Variants in ATXN7L1 observed in about 807,000 individuals in gnomAD.
ATXN7L1 encodes the protein ataxin-7-like protein 1.
In ATXN7L1, 15 loss-of-function variants were observed where a neutral mutation model predicts 70.8. That is an observed-to-expected ratio of 0.21 (90% confidence interval 0.14 to 0.33). ATXN7L1 has a LOEUF of 0.33. Ranked by LOEUF, ATXN7L1 falls within the 10% of genes least tolerant of loss-of-function variation. ATXN7L1 has a pLI of 1.00. For missense variants in ATXN7L1, 975 were observed against 1,097.1 expected, an observed-to-expected ratio of 0.89 and a Z score of 1.57; for synonymous variants, 440 against 445.1, an observed-to-expected ratio of 0.99 and a Z score of 0.14.
intron 3 of ATXN7L1, among the ~76,000 whole-genome samples, chr7:105,677,694 C>T (rs117879115): frequency 1.3e-5 from 2 of 152,336 alleles, no homozygotes; most frequent in East Asian, 3.9e-4. Flanking sequence ...AAAACACACA[C>T]ACAGGTAGTA....
chr7:105,737,528 C>CGTGTGTGTGTGTGTGTGTGT (rs71520935), intron 3 of ATXN7L1, among the ~76,000 whole-genome samples: 9 of 148,616 alleles, frequency 6.1e-5, no homozygotes, highest in African/African-American at 1.5e-4. Context: ...CTAACGTCCC[C>CGTGTGTGTGTGTGTGTGTGT]GTGTGTGTGT....
chr7:105,843,727 C>T (rs1813564250), intron 2 of ATXN7L1, among the ~76,000 whole-genome samples: 1 of 152,242 alleles, frequency 6.6e-6, no homozygotes, highest in African/African-American at 2.4e-5. Context: ...CATTTCATTT[C>T]TCAGGGCCTT....
chr7:105,638,248 T>G, intron 7 of ATXN7L1, 105 bp downstream of exon 7: 1 of 1,377,194 alleles, frequency 7.3e-7, no homozygotes, highest in Non-Finnish European at 9.7e-7. Context: ...GAAGTAGTAC[T>G]ATTATGATTT....
intron 2 of ATXN7L1, among the ~76,000 whole-genome samples, chr7:105,840,910 G>C (rs1186379561): frequency 6.6e-6 from 1 of 152,182 alleles, no homozygotes; most frequent in Non-Finnish European, 1.5e-5. Context: ...GGTCCTCTCA[G>C]AACCCTTATA....
chr7:105,790,928 G>A (rs1337972796), intron 2 of ATXN7L1, among the ~76,000 whole-genome samples: 1 of 152,144 alleles, frequency 6.6e-6, no homozygotes, highest in Non-Finnish European at 1.5e-5. Context: ...GGTTCAACCT[G>A]TGTCTTTAAT....
intron 3 of ATXN7L1, among the ~76,000 whole-genome samples, chr7:105,754,101 C>T (rs115999169): frequency 7.4e-4 from 112 of 152,288 alleles, no homozygotes; most frequent in Non-Finnish European, 1.2e-3. Flanking sequence ...TGACCCAAAA[C>T]GTGCTGTGCA....
chr7:105,784,944 C>A (rs894865152), intron 3 of ATXN7L1, among the ~76,000 whole-genome samples: 1 of 152,174 alleles, frequency 6.6e-6, no homozygotes, highest in East Asian at 1.9e-4. Flanking sequence ...TGGACCCCTG[C>A]CCCAATTTTA....
chr7:105,725,279 G>A (rs1483811254), intron 3 of ATXN7L1, among the ~76,000 whole-genome samples: 1 of 152,130 alleles, frequency 6.6e-6, no homozygotes. Flanking sequence ...TATGAGACAA[G>A]CTATAAAACA....
At chr7:105,709,877 CTT>C (rs61680542) in intron 3 of ATXN7L1, among the ~76,000 whole-genome samples, 4 of 146,284 alleles carry the variant, frequency 2.7e-5, no homozygotes, top group African/African-American at 2.5e-5. Flanking sequence ...GCTTGCTTTG[CTT>C]TTTTTTTTTT....
At chr7:105,758,362 T>G (rs1800068016) in intron 3 of ATXN7L1, among the ~76,000 whole-genome samples, 1 of 152,216 alleles carries the variant, frequency 6.6e-6, no homozygotes, top group Non-Finnish European at 1.5e-5. Flanking sequence ...TTATACCCAT[T>G]TTCCACACAT....
At chr7:105,733,850 C>G in intron 3 of ATXN7L1, among the ~76,000 whole-genome samples, 1 of 147,380 alleles carries the variant, frequency 6.8e-6, no homozygotes, top group Admixed American at 6.7e-5. Flanking sequence ...ACCCATCCAT[C>G]CATCCATCCA....
intron 2 of ATXN7L1, among the ~76,000 whole-genome samples, chr7:105,857,783 A>G (rs566975947): frequency 1.3e-5 from 2 of 152,238 alleles, no homozygotes; most frequent in Non-Finnish European, 2.9e-5. Flanking sequence ...TACAAAGCTC[A>G]CTTTCTCTCT....
rs945062769 is a variant in ATXN7L1 at position 105,606,276 on chromosome 7, C to T, written c.*1576G>A. 5.3e-5 allele frequency: 8 copies of T among 152,142 alleles called. No individual in the cohort carries two copies. Among genetic ancestry groups the T allele is most frequent in the Non-Finnish European group, 1.2e-4 (8 of 68,020 alleles). The allele number at this position is 152,142 out of a possible 1,614,324, so 9.4% of individuals were successfully genotyped here. On this transcript the variant is annotated 3_prime_UTR_variant, in exon 12 of 12. Coordinates refer to ENST00000419735, the MANE Select transcript of ATXN7L1 (RefSeq NM_020725.2). The stretch of plus-strand genomic sequence containing the variant: ...CTATAAGAAACACTCACTGTCAGTG[C>T]AATTCCATTGATGAAAATCACTCCA...
chr7:105,691,517 A>C (rs986760834), intron 3 of ATXN7L1: 8 of 152,184 alleles, frequency 5.3e-5, no homozygotes, highest in Non-Finnish European at 1.2e-4. Context: ...AAATTATGCA[A>C]AACATCCTGC....
intron 3 of ATXN7L1, chr7:105,677,875 G>T (rs1804938744): frequency 2.2e-6 from 2 of 895,526 alleles, no homozygotes; most frequent in Non-Finnish European, 2.7e-6. Flanking sequence ...ACAGGGCCAT[G>T]GTCTCTTATA....
At chr7:105,719,128 A>C (rs1794902791) in intron 3 of ATXN7L1, among the ~76,000 whole-genome samples, 1 of 152,186 alleles carries the variant, frequency 6.6e-6, no homozygotes, top group African/African-American at 2.4e-5. Context: ...CAGGAGCCGA[A>C]GAACAGGTAA....
At chr7:105,688,046 A>T (rs1032952218) in intron 3 of ATXN7L1, among the ~76,000 whole-genome samples, 1 of 152,200 alleles carries the variant, frequency 6.6e-6, no homozygotes, top group Non-Finnish European at 1.5e-5. Context: ...AAGGTTGCGG[A>T]GTGTCCCACC....
At chr7:105,749,623 C>CAA (rs34443905) in intron 3 of ATXN7L1, among the ~76,000 whole-genome samples, 30 of 131,788 alleles carry the variant, frequency 2.3e-4, no homozygotes, top group South Asian at 7.1e-4. Context: ...GACTCTGTCT[C>CAA]AAAAAAAAAA....
chr7:105,727,787 T>TACAC (rs1392558948), intron 3 of ATXN7L1, among the ~76,000 whole-genome samples: 2 of 99,740 alleles, frequency 2.0e-5, no homozygotes, highest in Non-Finnish European at 4.0e-5. Flanking sequence ...TACACACACA[T>TACAC]ACACACATAT....
Sources: gnomAD v4.1 joint callset for allele counts (sites outside exome capture counted in the v4.1 genomes callset) on GRCh38, gnomAD v4.1.1 for gene constraint, MANE v1.5 for transcripts, NCBI Gene and HGNC (gene_info 2026-07-23, HGNC 2026-07-21) for gene names.